Variants in DAPK2 observed in about 807,000 individuals in gnomAD.
The protein encoded by DAPK2 is death-associated protein kinase 2.
A neutral mutation model predicts 44.1 loss-of-function variants in DAPK2; 35 were observed. The ratio of observed to expected loss-of-function variants is 0.79; its 90% CI spans 0.61 to 1.05. DAPK2 has a LOEUF of 1.05. Ranked by LOEUF, DAPK2 falls within the 50% of genes least tolerant of loss-of-function variation. DAPK2 has a pLI of 0.00. For missense variants in DAPK2, 453 were observed against 483.2 expected (o/e 0.94, Z 0.59); for synonymous variants, 174 against 182.6 (o/e 0.95, Z 0.38).
chr15:63,939,387 A>G lies in DAPK2; in HGVS notation c.454-26T>C. 6.4e-7 allele frequency: 1 copy of G among 1,566,922 alleles called. No individual in the cohort carries two copies. The highest frequency in any genetic ancestry group is 2.2e-5 in the East Asian group (1 of 44,592). ...CTGGACAACAAAAAGTAGAAAAAAA[A>G]AAAAGGAAGGAAGAAAAGAAAAAAA... On this transcript the variant is annotated intron_variant, in intron 3 of 10. Coordinates refer to ENST00000261891, the Ensembl canonical transcript of DAPK2. The surrounding 1 kb of genome is among the most constrained non-coding windows in gnomAD (Gnocchi z 4.3).
intron 1 of DAPK2, among the ~76,000 whole-genome samples, chr15:64,002,851 C>T (rs1364377689): frequency 2.0e-5 from 3 of 151,452 alleles, no homozygotes; most frequent in Non-Finnish European, 4.4e-5. Context: ...AACAAAGAAT[C>T]GCCTAATTAA....
intron 1 of DAPK2, among the ~76,000 whole-genome samples, chr15:64,005,764 C>T (rs2079209712): frequency 2.0e-5 from 3 of 152,210 alleles, no homozygotes; most frequent in South Asian, 2.1e-4. Context: ...CATGGTGGTG[C>T]GTGCCTGTAA....
At chr15:63,919,307 C>T (rs2079010441) in intron 8 of DAPK2, 2 of 152,216 alleles carry the variant, frequency 1.3e-5, no homozygotes, top group Admixed American at 1.3e-4. Context: ...GACGATGTCA[C>T]TGCTATAAGG....
intron 1 of DAPK2, among the ~76,000 whole-genome samples, chr15:64,039,500 T>C (rs1377489053): frequency 1.3e-5 from 2 of 152,238 alleles, no homozygotes; most frequent in African/African-American, 2.4e-5. Flanking sequence ...AGACTCAAAC[T>C]TCATGACTGG....
At chr15:63,970,696 T>G (rs573368639) in intron 3 of DAPK2, among the ~76,000 whole-genome samples, 1 of 152,292 alleles carries the variant, frequency 6.6e-6, no homozygotes, top group Non-Finnish European at 1.5e-5. Flanking sequence ...AGCAAACAGG[T>G]CATAGAATTG....
intron 6 of DAPK2, 126 bp from the exon 8 acceptor site, chr15:63,926,219 C>T (rs755193767): frequency 1.1e-4 from 116 of 1,091,816 alleles, no homozygotes; most frequent in Middle Eastern, 3.1e-4. Context: ...ACACAGCCTG[C>T]CCCCTCTGGG....
intron 1 of DAPK2, among the ~76,000 whole-genome samples, chr15:64,012,001 C>T (rs2079401344): frequency 6.6e-6 from 1 of 152,182 alleles, no homozygotes; most frequent in African/African-American, 2.4e-5. Flanking sequence ...TCCAGCCCCC[C>T]AGCCTTGATC....
At chr15:63,962,771 G>A (rs1279552169) in intron 3 of DAPK2, among the ~76,000 whole-genome samples, 1 of 152,206 alleles carries the variant, frequency 6.6e-6, no homozygotes, top group Admixed American at 6.5e-5. Flanking sequence ...ATTGGGAGGT[G>A]TCTCCCAGTT....
chr15:64,046,226 G>A lies in DAPK2; in HGVS notation c.-7+72C>T, dbSNP rs1257193939. ...GGATCTCTTCGCCCCGCCAGCCCCA[G>A]ACCCGGGCGCTGCTGCCGTCAGGCC... On this transcript the variant is annotated intron_variant, in intron 1 of 11. Transcript: ENST00000457488. This position sits in a 1 kb window ranked among gnomAD's most constrained non-coding sequence, Gnocchi z 5.3. 1 of 650,988 alleles carries A rather than the reference G, an allele frequency of 1.5e-6. No individual in the cohort carries two copies. The highest frequency in any genetic ancestry group is 1.9e-6 in the Non-Finnish European group (1 of 523,990). The allele number at this position is 650,988 out of a possible 1,614,324, so 40.3% of individuals were successfully genotyped here.
At chr15:63,995,739 A>T (rs1015719139) in intron 1 of DAPK2, among the ~76,000 whole-genome samples, 2 of 152,192 alleles carry the variant, frequency 1.3e-5, no homozygotes, top group Non-Finnish European at 1.5e-5. Context: ...CCCTCCTGTT[A>T]GCTGACTAAA....
chr15:64,036,298 T>A (rs1292804075), intron 1 of DAPK2, among the ~76,000 whole-genome samples: 1 of 92,204 alleles, frequency 1.1e-5, no homozygotes, highest in South Asian at 2.9e-4. Context: ...TGTGTGTGTG[T>A]GTGTGTGTGT....
intron 1 of DAPK2, among the ~76,000 whole-genome samples, chr15:64,022,429 G>C (rs2079710982): frequency 6.6e-6 from 1 of 152,200 alleles, no homozygotes; most frequent in Non-Finnish European, 1.5e-5. Context: ...ATACATACAA[G>C]TATTCTTCAC....
chr15:63,938,204 G>A (rs904641780), intron 4 of DAPK2, among the ~76,000 whole-genome samples: 3 of 152,234 alleles, frequency 2.0e-5, no homozygotes, highest in African/African-American at 4.8e-5. Context: ...ATAATGGGAA[G>A]AGCACAGGCT....
chr15:63,950,461 G>A (rs1427769520), intron 3 of DAPK2, among the ~76,000 whole-genome samples: 1 of 151,248 alleles, frequency 6.6e-6, no homozygotes, highest in African/African-American at 2.4e-5. Flanking sequence ...CAAGCAATCC[G>A]CCTGCCTTAG....
chr15:64,002,948 G>GACC (rs2079123442), intron 1 of DAPK2, among the ~76,000 whole-genome samples: 1 of 134,798 alleles, frequency 7.4e-6, no homozygotes, highest in East Asian at 2.1e-4. Context: ...GTGTGTGTGT[G>GACC]TGTGTGTGTG....
chr15:63,958,114 T>C (rs2077778964), intron 3 of DAPK2, among the ~76,000 whole-genome samples: 1 of 152,240 alleles, frequency 6.6e-6, no homozygotes, highest in African/African-American at 2.4e-5. Flanking sequence ...CCAGTGATGA[T>C]GAGCATTTTT....
chr15:63,925,675 A>AGCGCGCGC lies in DAPK2; in HGVS notation c.812+265_812+266insGCGCGCGC, dbSNP rs35207515. Reference sequence around the variant, plus strand: ...CCTAAAGAAACCCAGGCTGACTTGTAGCGCACACACACACACACACACACA... The same window carrying AGCGCGCGC: ...CCTAAAGAAACCCAGGCTGACTTGTAGCGCGCGCGCGCACACACACACACACACACACA... On this transcript the variant is annotated intron_variant, in intron 7 of 10. Transcript: ENST00000261891. 9.6e-3 allele frequency among the ~76,000 whole-genome samples: 1,244 copies of AGCGCGCGC among 129,954 alleles called. 24 individuals carry two copies. Among genetic ancestry groups the AGCGCGCGC allele is most frequent in the African/African-American group, 0.036 (1,195 of 33,344 alleles). The allele number at this position is 129,954 out of a possible 152,430, so 85.3% of individuals were successfully genotyped here. A position where few individuals can be genotyped will look rare whatever the true frequency, so the allele number is the denominator to read the frequency against.
In DAPK2 at chr15:63,923,337, C is replaced by G. The variant is rs971864132; in HGVS notation, c.858+1479G>C. Reference sequence around the variant, plus strand: ...CGCTGTTCAGGGGCTCTGCCTTCTCCTTTTGACTGGTGGGTGTTCAGACAG... The same window carrying G: ...CGCTGTTCAGGGGCTCTGCCTTCTCGTTTTGACTGGTGGGTGTTCAGACAG... On this transcript the variant is annotated intron_variant, in intron 8 of 10. Transcript: ENST00000261891. This position sits in a 1 kb window ranked among gnomAD's most constrained non-coding sequence, Gnocchi z 4.2. 5.2e-6 allele frequency: 8 copies of G among 1,534,274 alleles called. No homozygotes were observed. The highest frequency in any genetic ancestry group is 7.0e-6 in the Non-Finnish European group (8 of 1,145,488).
intron 8 of DAPK2, among the ~76,000 whole-genome samples, chr15:63,914,048 C>T (rs757264061): frequency 2.0e-5 from 3 of 152,172 alleles, no homozygotes; most frequent in Non-Finnish European, 4.4e-5. Flanking sequence ...AAGTCATTTC[C>T]CTGAGCTGTT....
Sources: gnomAD v4.1 joint callset for allele counts (sites outside exome capture counted in the v4.1 genomes callset) on GRCh38, gnomAD v4.1.1 for gene constraint, Gnocchi (gnomAD v3.1) non-coding constraint, MANE v1.5 for transcripts, NCBI Gene and HGNC (gene_info 2026-07-23, HGNC 2026-07-21) for gene names.